The following LMLN variants were observed in gnomAD, a reference collection of about 807,000 sequenced individuals.
LMLN encodes leishmanolysin like peptidase.
LMLN carries 70 observed loss-of-function variants against 92.3 expected under a neutral mutation model. The ratio of observed to expected loss-of-function variants is 0.76; its 90% confidence interval spans 0.63 to 0.92. LMLN has a LOEUF of 0.92. Among genes scored for constraint, LMLN ranks in the 40% least tolerant of loss-of-function variants. The pLI is 0.00. For missense variants in LMLN, 691 were observed against 814.6 expected, an observed-to-expected ratio of 0.85 and a Z score of 1.85; for synonymous variants, 308 against 296.2, an observed-to-expected ratio of 1.04 and a Z score of -0.41.
At chr3:198,034,330 C>G (rs1252498387) in intron 14 of LMLN, among the ~76,000 whole-genome samples, 2 of 152,118 alleles carry the variant, frequency 1.3e-5, no homozygotes, top group African/African-American at 4.8e-5. Context: ...AAATTTTTGG[C>G]TGGGTGCGGT....
At chr3:198,007,385 T>C (rs1049257768) in intron 11 of LMLN, among the ~76,000 whole-genome samples, 1 of 152,254 alleles carries the variant, frequency 6.6e-6, no homozygotes, top group Non-Finnish European at 1.5e-5. Context: ...AAGGTTTGTT[T>C]CTTTGTGTAC....
At chr3:198,011,558 A>C (rs1370124698) in intron 11 of LMLN, among the ~76,000 whole-genome samples, 1 of 151,062 alleles carries the variant, frequency 6.6e-6, no homozygotes, top group East Asian at 1.9e-4. Flanking sequence ...AGTCTTTGCT[A>C]TTGTGAATAG....
chr3:197,996,065 C>A, intron 9 of LMLN, 110 bp from the exon 10 acceptor site: 1 of 479,400 alleles, frequency 2.1e-6, no homozygotes, highest in Non-Finnish European at 3.6e-6. Context: ...CCTTTCTCAA[C>A]AAAGTAATTC....
intron 9 of LMLN, among the ~76,000 whole-genome samples, chr3:197,992,141 A>ATTCT (rs1194885477): frequency 6.6e-6 from 1 of 151,722 alleles, no homozygotes; most frequent in Non-Finnish European, 1.5e-5. Context: ...CTCATCTCAT[A>ATTCT]TTCTTTCTCT....
chr3:198,014,015 T>A (rs1414841833), intron 11 of LMLN, among the ~76,000 whole-genome samples: 1 of 142,432 alleles, frequency 7.0e-6, no homozygotes, highest in African/African-American at 2.8e-5. Context: ...CTGACTTCTC[T>A]CCACCCTTTA....
rs1722722575 is a variant in LMLN at position 198,019,402 on chromosome 3, GCA to G, written c.1365+20_1365+21del. 8 of 1,595,104 alleles carry G rather than the reference GCA, an allele frequency of 5.0e-6. No individual in the cohort carries two copies. The highest frequency in any genetic ancestry group is 1.4e-5 in the African/African-American group (1 of 74,044). On this transcript the variant is annotated intron_variant, in intron 12 of 15. Transcript: ENST00000330198. This position sits in a 1 kb window ranked among gnomAD's most constrained non-coding sequence, Gnocchi z 5.5. ...GAATACCAGGTAGAACAGGGCTGGG[GCA>G]CAGTTTCAGGAATCAGCTTTTCAAA...
chr3:198,030,732 C>T (rs1205509608), intron 14 of LMLN, among the ~76,000 whole-genome samples: 1 of 152,060 alleles, frequency 6.6e-6, no homozygotes, highest in African/African-American at 2.4e-5. Context: ...GTGTCATATT[C>T]TTTTTTGGAT....
chr3:198,027,072 G>T (rs895165174), intron 14 of LMLN, among the ~76,000 whole-genome samples: 7 of 152,102 alleles, frequency 4.6e-5, no homozygotes, highest in African/African-American at 1.7e-4. Context: ...TGATACCAAA[G>T]CATTTATTTT....
Position 198,019,892 on chromosome 3 carries a change from A to T in LMLN, c.1365+507A>T, listed in dbSNP as rs906833041. 1.3e-5 allele frequency among the ~76,000 whole-genome samples: 2 copies of T among 151,954 alleles called. No homozygotes were observed. Among genetic ancestry groups the T allele is most frequent in the African/African-American group, 4.8e-5 (2 of 41,346 alleles). The stretch of plus-strand genomic sequence containing the variant: ...ATCTTTTTTTCCGAGACCGAGTCTC[A>T]CTCTGTCGCCCAGGCTGGAGTGCAG... On this transcript the variant is annotated intron_variant, in intron 12 of 15. Coordinates refer to ENST00000330198, the Ensembl canonical transcript of LMLN. This position sits in a 1 kb window ranked among gnomAD's most constrained non-coding sequence, Gnocchi z 5.5.
At chr3:198,013,633 G>A (rs1452959279) in intron 11 of LMLN, among the ~76,000 whole-genome samples, 1 of 127,058 alleles carries the variant, frequency 7.9e-6, no homozygotes, top group Non-Finnish European at 1.6e-5. Context: ...CTCCTAACTA[G>A]TCTGACTTCT....
intron 11 of LMLN, chr3:198,003,102 C>G: frequency 6.5e-7 from 1 of 1,548,854 alleles, no homozygotes; most frequent in Non-Finnish European, 8.7e-7. Flanking sequence ...GCTGTAAATT[C>G]TGGATTGATC....
chr3:198,036,322 T>C (rs1324290517), intron 15 of LMLN, among the ~76,000 whole-genome samples: 1 of 152,210 alleles, frequency 6.6e-6, no homozygotes, highest in African/African-American at 2.4e-5. Flanking sequence ...AAGTGAACGT[T>C]GTATCCATTC....
At chr3:198,017,499 G>C (rs753906253) in intron 11 of LMLN, among the ~76,000 whole-genome samples, 1 of 152,122 alleles carries the variant, frequency 6.6e-6, no homozygotes, top group Non-Finnish European at 1.5e-5. Flanking sequence ...CTGATAAATC[G>C]CCCAACTCCT....
chr3:197,988,996 T>G (rs1721791633), intron 8 of LMLN, among the ~76,000 whole-genome samples: 1 of 152,214 alleles, frequency 6.6e-6, no homozygotes, highest in Non-Finnish European at 1.5e-5. Context: ...GTAGTATATC[T>G]TTTTATCCTT....
intron 5 of LMLN, among the ~76,000 whole-genome samples, chr3:197,978,649 A>G (rs1365386237): frequency 6.6e-6 from 1 of 152,232 alleles, no homozygotes; most frequent in East Asian, 1.9e-4. Flanking sequence ...AAATAATTAG[A>G]TAAATAATAA....
intron 1 of LMLN, among the ~76,000 whole-genome samples, chr3:197,968,862 A>T (rs1721142973): frequency 6.6e-6 from 1 of 152,194 alleles, no homozygotes; most frequent in Admixed American, 6.5e-5. Flanking sequence ...AAAGTCATAA[A>T]CTATGAACTC....
chr3:197,993,725 G>GA (rs1157809065), intron 9 of LMLN, among the ~76,000 whole-genome samples: 2 of 151,140 alleles, frequency 1.3e-5, no homozygotes, highest in Admixed American at 6.6e-5. Context: ...CACAGAAGTA[G>GA]AAAAAAAATC....
intron 1 of LMLN, among the ~76,000 whole-genome samples, chr3:197,971,419 T>A (rs1369681575): frequency 2.0e-5 from 3 of 152,234 alleles, no homozygotes; most frequent in African/African-American, 7.2e-5. Context: ...AACACCCCCA[T>A]GATCCAGTCA....
chr3:197,970,720 T>C (rs1721199594), intron 1 of LMLN, among the ~76,000 whole-genome samples: 4 of 152,232 alleles, frequency 2.6e-5, no homozygotes, highest in Non-Finnish European at 5.9e-5. Context: ...AGTGAAGTTT[T>C]AAATTACACT....
Sources: allele counts gnomAD v4.1 joint callset (sites outside exome capture counted in the v4.1 genomes callset), GRCh38; gene constraint gnomAD v4.1.1; non-coding constraint Gnocchi (gnomAD v3.1); transcripts MANE v1.5; gene names NCBI Gene and HGNC (gene_info 2026-07-23, HGNC 2026-07-21).